MALRD1: variants seen among roughly 807,000 people sequenced by gnomAD.
MALRD1 encodes the protein MAM and LDL receptor class A domain containing 1, also known as MAM and LDL-receptor class A domain-containing protein 1.
Under a neutral mutation model 242.1 loss-of-function variants are expected in MALRD1, and 247 were observed. That is an observed-to-expected ratio of 1.02 (90% CI 0.92 to 1.13). The LOEUF is 1.13. Ranked by LOEUF, MALRD1 falls within the 50% of genes most tolerant of loss-of-function variation. The pLI is 0.00. For missense variants in MALRD1, 2,989 were observed against 2,533.1 expected (o/e 1.18, Z -3.86); for synonymous variants, 995 against 866.6 (o/e 1.15, Z -2.60).
At chr10:19,603,499 G>T (rs1265221662) in intron 34 of MALRD1, among the ~76,000 whole-genome samples, 2 of 152,216 alleles carry the variant, frequency 1.3e-5, no homozygotes, top group Admixed American at 6.5e-5. Flanking sequence ...AGATCAGATG[G>T]TTGTAGATGT....
chr10:19,550,878 G>T (rs1479511403), intron 32 of MALRD1, among the ~76,000 whole-genome samples: 1 of 152,140 alleles, frequency 6.6e-6, no homozygotes, highest in Non-Finnish European at 1.5e-5. Context: ...TGGGATTGCT[G>T]GTTAAAATGC....
intron 2 of MALRD1, among the ~76,000 whole-genome samples, chr10:19,079,845 G>A (rs754316120): frequency 6.6e-5 from 10 of 151,766 alleles, no homozygotes; most frequent in Non-Finnish European, 1.2e-4. Context: ...TGTTTGCAGC[G>A]GACATGATCC....
Position 19,133,927 on chromosome 10 carries a change from A to G in MALRD1, c.1182A>G (p.Pro394=), listed in dbSNP as rs944627750. ...SQWVKADVLI[P]EDLKTFKIIF... ...GGGTGAAAGCAGATGTGTTAATACC[A>G]GAAGATCTGAAGACATTTAAGGTAT... The change falls in exon 9 of 40, where the codon CCA becomes CCG. Residue 394 remains proline, a synonymous_variant. Transcript: ENST00000454679. 1.6e-6 allele frequency: 2 copies of G among 1,229,216 alleles called. No homozygotes were observed. The highest frequency in any genetic ancestry group is 1.0e-6 in the Non-Finnish European group (1 of 985,894). 76.1% of individuals were successfully genotyped at this position (1,229,216 alleles called of 1,614,324 possible). A position where few individuals can be genotyped will look rare whatever the true frequency, so the allele number is the denominator to read the frequency against.
chr10:19,611,601 T>A (rs1838899204), intron 35 of MALRD1, among the ~76,000 whole-genome samples: 1 of 152,008 alleles, frequency 6.6e-6, no homozygotes, highest in Non-Finnish European at 1.5e-5. Context: ...CCTCTGCTAA[T>A]GGTAATATTA....
At chr10:19,226,892 A>G (rs1175436005) in intron 18 of MALRD1, among the ~76,000 whole-genome samples, 3 of 152,090 alleles carry the variant, frequency 2.0e-5, no homozygotes, top group African/African-American at 7.2e-5. Flanking sequence ...ATTAGAAAAT[A>G]AAATTATGTA....
At chr10:19,295,624 G>C (rs1841659555) in intron 21 of MALRD1, among the ~76,000 whole-genome samples, 1 of 152,098 alleles carries the variant, frequency 6.6e-6, no homozygotes, top group Non-Finnish European at 1.5e-5. Context: ...TGAAGTAATT[G>C]AACAGGTTTT....
rs1554842468 is a variant in MALRD1 at position 19,376,542 on chromosome 10, C to CATTTTTTTT, written c.4442-10986_4442-10985insATTTTTTTT. 1.4e-4 allele frequency among the ~76,000 whole-genome samples: 13 copies of CATTTTTTTT among 94,992 alleles called. 2 individuals are homozygous for CATTTTTTTT. Among genetic ancestry groups the CATTTTTTTT allele is most frequent in the African/African-American group, 2.0e-4 (5 of 25,250 alleles). 62.3% of individuals were successfully genotyped at this position (94,992 alleles called of 152,430 possible). A position where few individuals can be genotyped will look rare whatever the true frequency, so the allele number is the denominator to read the frequency against. On this transcript the variant is annotated intron_variant, in intron 26 of 39. Coordinates refer to ENST00000454679, the MANE Select transcript of MALRD1 (RefSeq NM_001142308.3). ...TTGAAAGTCAAGGAGTTGATACATTCTTTTTTTTTTTTTTTTTTTTTTTTT... is the reference window on the plus strand; with the variant it reads ...TTGAAAGTCAAGGAGTTGATACATTCATTTTTTTTTTTTTTTTTTTTTTTTTTTTTTTTT...
At chr10:19,552,441 G>A (rs1172549229) in intron 32 of MALRD1, among the ~76,000 whole-genome samples, 1 of 152,012 alleles carries the variant, frequency 6.6e-6, no homozygotes, top group Non-Finnish European at 1.5e-5. Context: ...TTCAGGTTGT[G>A]TTTATTTGAA....
chr10:19,409,931 G>A (rs541916739), intron 28 of MALRD1, among the ~76,000 whole-genome samples: 3 of 151,882 alleles, frequency 2.0e-5, no homozygotes, highest in Admixed American at 6.6e-5. Context: ...ATATTCATGG[G>A]GTGCATAGTG....
intron 33 of MALRD1, among the ~76,000 whole-genome samples, chr10:19,592,358 C>T (rs1484718268): frequency 2.0e-5 from 3 of 152,206 alleles, no homozygotes; most frequent in Admixed American, 6.5e-5. Flanking sequence ...TTCGTAGATG[C>T]CCTACATTGA....
At chr10:19,716,620 G>A (rs906287477) in intron 38 of MALRD1, among the ~76,000 whole-genome samples, 1 of 152,182 alleles carries the variant, frequency 6.6e-6, no homozygotes, top group African/African-American at 2.4e-5. Flanking sequence ...AATACAGAAG[G>A]TGTATTTTAC....
intron 12 of MALRD1, among the ~76,000 whole-genome samples, chr10:19,158,512 G>A (rs1588627872): frequency 6.6e-6 from 1 of 152,156 alleles, no homozygotes; most frequent in Non-Finnish European, 1.5e-5. Context: ...AATGCAGAGA[G>A]GGCCACATGT....
intron 28 of MALRD1, among the ~76,000 whole-genome samples, chr10:19,420,049 C>A (rs867698387): frequency 5.3e-5 from 8 of 152,098 alleles, no homozygotes; most frequent in Admixed American, 6.5e-5. Context: ...CAAGATACTT[C>A]TATAGAAGGT....
At chr10:19,595,168 ATAACT>A in intron 33 of MALRD1, 21 bp from the exon 34 acceptor site, 3 of 1,534,156 alleles carry the variant, frequency 2.0e-6, no homozygotes, top group Non-Finnish European at 2.6e-6. Context: ...TAATGCCAAA[ATAACT>A]TGACTTGCTC....
intron 38 of MALRD1, among the ~76,000 whole-genome samples, chr10:19,706,997 C>CT (rs775320335): frequency 2.6e-5 from 4 of 151,748 alleles, no homozygotes; most frequent in Non-Finnish European, 4.4e-5. Flanking sequence ...CCTCATCCTT[C>CT]TCCTCCTCCT....
At chr10:19,622,755 T>A (rs1364412775) in intron 36 of MALRD1, among the ~76,000 whole-genome samples, 1 of 151,584 alleles carries the variant, frequency 6.6e-6, no homozygotes, top group Admixed American at 6.6e-5. Flanking sequence ...CCAATATCAA[T>A]AGAATAAAGC....
At chr10:19,460,198 G>A (rs1239942661) in intron 29 of MALRD1, among the ~76,000 whole-genome samples, 1 of 152,084 alleles carries the variant, frequency 6.6e-6, no homozygotes, top group African/African-American at 2.4e-5. Flanking sequence ...CATAATTGAA[G>A]TATATGTCAT....
At chr10:19,285,665 A>G (rs1283834165) in intron 21 of MALRD1, among the ~76,000 whole-genome samples, 2 of 138,516 alleles carry the variant, frequency 1.4e-5, no homozygotes, top group Non-Finnish European at 3.1e-5. Context: ...GCCTTGTAGT[A>G]TAGTTTGAAG....
chr10:19,103,332 C>T (rs771699165), intron 4 of MALRD1, among the ~76,000 whole-genome samples: 2 of 151,806 alleles, frequency 1.3e-5, no homozygotes, highest in Non-Finnish European at 2.9e-5. Context: ...GAGGCCGAGG[C>T]GGGCAAATCA....
Sources: allele counts gnomAD v4.1 joint callset (sites outside exome capture counted in the v4.1 genomes callset), GRCh38; gene constraint gnomAD v4.1.1; transcripts MANE v1.5; gene names NCBI Gene and HGNC (gene_info 2026-07-23, HGNC 2026-07-21).